Variants in ARHGAP25 observed in about 807,000 individuals in gnomAD.
ARHGAP25 encodes rho GTPase-activating protein 25.
Under a neutral mutation model 71.0 loss-of-function variants are expected in ARHGAP25, and 34 were observed. The ratio of observed to expected loss-of-function variants is 0.48; its 90% CI spans 0.36 to 0.64. The LOEUF is 0.64. Ranked by LOEUF, ARHGAP25 falls within the 30% of genes least tolerant of loss-of-function variation. The pLI, the probability that ARHGAP25 is intolerant of heterozygous loss-of-function variation, is 0.00. For missense variants in ARHGAP25, 706 were observed against 805.1 expected (o/e 0.88, Z 1.49); for synonymous variants, 282 against 296.5 (o/e 0.95, Z 0.50).
At chr2:68,780,606 C>T (rs1398687308) in intron 2 of ARHGAP25, among the ~76,000 whole-genome samples, 2 of 151,958 alleles carry the variant, frequency 1.3e-5, no homozygotes, top group African/African-American at 4.8e-5. Flanking sequence ...CCCCTTCCCC[C>T]TTCTCCCCTT....
intron 1 of ARHGAP25, among the ~76,000 whole-genome samples, chr2:68,766,228 T>C (rs1398899603): frequency 6.6e-6 from 1 of 152,232 alleles, no homozygotes; most frequent in Non-Finnish European, 1.5e-5. Context: ...CTAATTATCC[T>C]GCAGTCCTAC....
intron 1 of ARHGAP25, among the ~76,000 whole-genome samples, chr2:68,747,189 A>T (rs11886846): frequency 0.094 from 14,266 of 151,684 alleles, 778 homozygotes; most frequent in Non-Finnish European, 0.12. Flanking sequence ...TTGAAAAAAA[A>T]TTTTTTAGAC....
chr2:68,715,834 G>A (rs1674596802), intron 2 of ARHGAP25, among the ~76,000 whole-genome samples: 2 of 152,202 alleles, frequency 1.3e-5, no homozygotes, highest in Admixed American at 1.3e-4. Context: ...TCTCCTCCCA[G>A]ACATAGATAA....
At chr2:68,720,775 G>T (rs7592617) in intron 2 of ARHGAP25, among the ~76,000 whole-genome samples, 151,349 of 152,232 alleles carry the variant, frequency 0.99, 75,242 homozygotes, top group Middle Eastern at 1. Context: ...TTTCACCTGG[G>T]GAGTCTAAGC....
At chr2:68,791,364 G>A (rs867592093) in intron 4 of ARHGAP25, among the ~76,000 whole-genome samples, 2 of 152,186 alleles carry the variant, frequency 1.3e-5, no homozygotes, top group South Asian at 2.1e-4. Flanking sequence ...ATGGGTGAAA[G>A]AATCAAGTCA....
intron 2 of ARHGAP25, among the ~76,000 whole-genome samples, chr2:68,778,910 A>G (rs1678117938): frequency 1.3e-5 from 2 of 152,188 alleles, no homozygotes; most frequent in South Asian, 2.1e-4. Context: ...TTGAGTTCTC[A>G]GAAAGATCCT....
intron 1 of ARHGAP25, among the ~76,000 whole-genome samples, chr2:68,743,341 G>A (rs1558608713): frequency 6.6e-6 from 1 of 151,166 alleles, no homozygotes; most frequent in Non-Finnish European, 1.5e-5. Context: ...GTGGGTTACA[G>A]CAATGGCAGA....
intron 6 of ARHGAP25, among the ~76,000 whole-genome samples, chr2:68,813,869 C>A (rs1573617095): frequency 6.6e-6 from 1 of 152,256 alleles, no homozygotes; most frequent in Admixed American, 6.5e-5. Flanking sequence ...GATTGTTTTT[C>A]TTTTCAGCCA....
At chr2:68,803,162 G>T (rs1680130525) in intron 4 of ARHGAP25, among the ~76,000 whole-genome samples, 1 of 152,164 alleles carries the variant, frequency 6.6e-6, no homozygotes. Flanking sequence ...CCCAGGAAAT[G>T]ATGCACCAAA....
intron 1 of ARHGAP25, among the ~76,000 whole-genome samples, chr2:68,768,936 C>T (rs1677301256): frequency 6.6e-6 from 1 of 152,132 alleles, no homozygotes; most frequent in Non-Finnish European, 1.5e-5. Flanking sequence ...ATCCTCAGGA[C>T]CCAAAATTGT....
At chr2:68,798,455 T>C (rs1345471079) in intron 4 of ARHGAP25, among the ~76,000 whole-genome samples, 1 of 151,872 alleles carries the variant, frequency 6.6e-6, no homozygotes, top group East Asian at 1.9e-4. Flanking sequence ...ATATGTGCTA[T>C]GTGCCCAGTT....
intron 1 of ARHGAP25, among the ~76,000 whole-genome samples, chr2:68,740,110 C>A (rs549158839): frequency 1.3e-5 from 2 of 152,218 alleles, no homozygotes; most frequent in Non-Finnish European, 2.9e-5. Flanking sequence ...GGGGCAGAGA[C>A]AAGGAAACAA....
At chr2:68,769,186 T>C (rs1198881894) in intron 1 of ARHGAP25, among the ~76,000 whole-genome samples, 2 of 152,156 alleles carry the variant, frequency 1.3e-5, no homozygotes, top group East Asian at 3.8e-4. Context: ...TCTCCCTCTA[T>C]ACCATCTCTC....
At chr2:68,748,479 GGGCTTT>G (rs1490687197) in intron 1 of ARHGAP25, among the ~76,000 whole-genome samples, 1 of 152,174 alleles carries the variant, frequency 6.6e-6, no homozygotes, top group Non-Finnish European at 1.5e-5. Flanking sequence ...TCTGAAGGCA[GGGCTTT>G]GCCTGTTTCA....
At position 68,759,616 on chromosome 2, in the gene ARHGAP25, A is replaced by C. The variant is rs915157602; in HGVS notation, c.62-15605A>C. 6.0e-5 allele frequency among the ~76,000 whole-genome samples: 9 copies of C among 150,074 alleles called. No individual in the cohort carries two copies. The South Asian group carries it at 6.3e-4, about 10-fold the overall frequency. On this transcript the variant is annotated intron_variant, in intron 1 of 10. Coordinates refer to ENST00000409202, the MANE Select transcript of ARHGAP25 (RefSeq NM_001007231.3). Reference sequence around the variant, plus strand: ...GTCAATAATCAAAAATCTCCTAATGAATTAAAGACCTGATGTCCTCACCAG... The same window carrying C: ...GTCAATAATCAAAAATCTCCTAATGCATTAAAGACCTGATGTCCTCACCAG...
At chr2:68,788,044 G>A in intron 4 of ARHGAP25, 88 bp downstream of exon 4, 1 of 1,015,598 alleles carries the variant, frequency 9.8e-7, no homozygotes, top group Non-Finnish European at 1.5e-6. Context: ...TCCTTGAGCA[G>A]TGCTCAAGGG....
intron 7 of ARHGAP25, 152 bp from the exon 8 acceptor site, chr2:68,817,721 A>G: frequency 1.1e-6 from 1 of 943,972 alleles, no homozygotes; most frequent in Non-Finnish European, 1.5e-6. Flanking sequence ...TTTCAGGATG[A>G]GGCTAAATTC....
At chr2:68,801,959 A>T (rs931148352) in intron 4 of ARHGAP25, among the ~76,000 whole-genome samples, 1 of 152,174 alleles carries the variant, frequency 6.6e-6, no homozygotes, top group Non-Finnish European at 1.5e-5. Flanking sequence ...ACTATCAAAG[A>T]GCCTGGCCCA....
chr2:68,779,035 T>C (rs1055206042), intron 2 of ARHGAP25, among the ~76,000 whole-genome samples: 3 of 152,218 alleles, frequency 2.0e-5, no homozygotes. Flanking sequence ...CTTATCGCCC[T>C]CAAGTTTCTG....
Sources: gnomAD v4.1 joint callset for allele counts (sites outside exome capture counted in the v4.1 genomes callset) on GRCh38, gnomAD v4.1.1 for gene constraint, MANE v1.5 for transcripts, NCBI Gene and HGNC (gene_info 2026-07-23, HGNC 2026-07-21) for gene names.